The following MARCHF1 variants were observed in gnomAD, a reference collection of about 807,000 sequenced individuals.
MARCHF1 encodes the protein membrane associated ring-CH-type finger 1, also known as E3 ubiquitin-protein ligase MARCHF1.
Under a neutral mutation model 54.2 loss-of-function variants are expected in MARCHF1, and 40 were observed. The observed-to-expected ratio is 0.74, with a 90% confidence interval of 0.57 to 0.96. The LOEUF (loss-of-function observed/expected upper bound fraction) is 0.96. MARCHF1 is among the 40% of genes least tolerant of loss of function. The pLI is 0.00. For synonymous variants in MARCHF1, 236 were observed against 236.3 expected, an observed-to-expected ratio of 1.00 and a Z score of 0.01; for missense variants, 586 against 656.5, an observed-to-expected ratio of 0.89 and a Z score of 1.17.
chr4:163,590,062 G>GTA (rs1740538020), intron 7 of MARCHF1, among the ~76,000 whole-genome samples: 1 of 151,592 alleles, frequency 6.6e-6, no homozygotes, highest in Non-Finnish European at 1.5e-5. Flanking sequence ...ATTTTGGTGT[G>GTA]TGTGTGTGTG....
At chr4:164,238,126 T>C (rs1472237827) in intron 1 of MARCHF1, among the ~76,000 whole-genome samples, 5 of 152,066 alleles carry the variant, frequency 3.3e-5, no homozygotes, top group Non-Finnish European at 7.4e-5. Flanking sequence ...TTTTAAATTA[T>C]GTAAACACTG....
At chr4:163,882,844 G>A (rs1750447063) in intron 3 of MARCHF1, among the ~76,000 whole-genome samples, 1 of 152,006 alleles carries the variant, frequency 6.6e-6, no homozygotes, top group Non-Finnish European at 1.5e-5. Flanking sequence ...TGGTGCACTG[G>A]TGCATGTCTG....
intron 1 of MARCHF1, among the ~76,000 whole-genome samples, chr4:164,380,680 C>G (rs1008154898): frequency 6.6e-6 from 1 of 152,082 alleles, no homozygotes; most frequent in Non-Finnish European, 1.5e-5. Flanking sequence ...ATTATTTTAA[C>G]CCTCTAAATA....
intron 1 of MARCHF1, among the ~76,000 whole-genome samples, chr4:164,191,981 T>C (rs1731136124): frequency 6.6e-6 from 1 of 152,080 alleles, no homozygotes; most frequent in South Asian, 2.1e-4. Flanking sequence ...ACACGACCAA[T>C]GGTAAAATAT....
At chr4:163,614,042 A>G (rs1579114024) in intron 5 of MARCHF1, among the ~76,000 whole-genome samples, 4 of 152,012 alleles carry the variant, frequency 2.6e-5, no homozygotes, top group Non-Finnish European at 5.9e-5. Context: ...GCATTTCACT[A>G]AAGTCCTACC....
At chr4:163,739,332 A>G (rs892520670) in intron 4 of MARCHF1, among the ~76,000 whole-genome samples, 1 of 152,260 alleles carries the variant, frequency 6.6e-6, no homozygotes, top group Non-Finnish European at 1.5e-5. Flanking sequence ...ACAAAAGGAC[A>G]TAACAAACTA....
At chr4:163,628,586 C>G (rs180676714) in intron 5 of MARCHF1, among the ~76,000 whole-genome samples, 15 of 152,092 alleles carry the variant, frequency 9.9e-5, no homozygotes, top group African/African-American at 3.4e-4. Flanking sequence ...GGTATTCAAA[C>G]AGGAAGAGAG....
At chr4:163,815,699 T>G (rs1046159776) in intron 4 of MARCHF1, among the ~76,000 whole-genome samples, 4 of 152,186 alleles carry the variant, frequency 2.6e-5, no homozygotes, top group Non-Finnish European at 5.9e-5. Context: ...TTTAGGGATA[T>G]CTAAATCTTC....
chr4:163,896,748 G>A (rs1412399031), intron 3 of MARCHF1, among the ~76,000 whole-genome samples: 1 of 152,100 alleles, frequency 6.6e-6, no homozygotes, highest in Non-Finnish European at 1.5e-5. Flanking sequence ...GAACAAAATG[G>A]GAAATCGCCT....
chr4:164,008,245 T>C (rs1328134524), intron 2 of MARCHF1, among the ~76,000 whole-genome samples: 1 of 152,120 alleles, frequency 6.6e-6, no homozygotes, highest in South Asian at 2.1e-4. Context: ...ATAAGTTCAT[T>C]ACATAATCAT....
intron 1 of MARCHF1, among the ~76,000 whole-genome samples, chr4:164,244,992 G>A (rs1732896557): frequency 6.6e-6 from 1 of 152,158 alleles, no homozygotes; most frequent in Non-Finnish European, 1.5e-5. Context: ...AAAGAGTCCA[G>A]GACCAGATGG....
At chr4:164,383,081 C>T (rs778863269) in intron 1 of MARCHF1, 4 of 152,226 alleles carry the variant, frequency 2.6e-5, no homozygotes, top group Non-Finnish European at 4.4e-5. Flanking sequence ...CCATTTCCCT[C>T]ACACCATTTG....
intron 4 of MARCHF1, among the ~76,000 whole-genome samples, chr4:163,777,961 C>A (rs1332869680): frequency 6.6e-6 from 1 of 152,164 alleles, no homozygotes; most frequent in Non-Finnish European, 1.5e-5. Context: ...CCATTGGCAA[C>A]CACTGAACTG....
chr4:164,057,786 A>C (rs558061173), intron 2 of MARCHF1, among the ~76,000 whole-genome samples: 1 of 152,326 alleles, frequency 6.6e-6, no homozygotes, highest in East Asian at 1.9e-4. Flanking sequence ...TATCTTAATA[A>C]GGCACCATAA....
chr4:163,642,348 G>T (rs1231741607), intron 5 of MARCHF1, among the ~76,000 whole-genome samples: 1 of 151,914 alleles, frequency 6.6e-6, no homozygotes, highest in Non-Finnish European at 1.5e-5. Context: ...TTTTCTTTAA[G>T]TTCCCCCTGA....
intron 3 of MARCHF1, among the ~76,000 whole-genome samples, chr4:163,890,789 T>G (rs1200544137): frequency 6.6e-6 from 1 of 152,136 alleles, no homozygotes; most frequent in Non-Finnish European, 1.5e-5. Context: ...GATTATAGGT[T>G]TGACCCACCG....
chr4:164,125,308 A>G (rs1241505709), intron 1 of MARCHF1, among the ~76,000 whole-genome samples: 2 of 152,150 alleles, frequency 1.3e-5, no homozygotes, highest in African/African-American at 4.8e-5. Flanking sequence ...AACATTATGA[A>G]TAGGACTCAA....
chr4:164,293,227 A>C (rs2111372681), intron 1 of MARCHF1, among the ~76,000 whole-genome samples: 1 of 152,268 alleles, frequency 6.6e-6, no homozygotes, highest in Non-Finnish European at 1.5e-5. Context: ...GCATGTGGAA[A>C]AAAAAAAATC....
rs1175006529 is a variant in MARCHF1 at position 163,527,168 on chromosome 4, T to TATC, written c.*1577_*1579dup. On this transcript the variant is annotated 3_prime_UTR_variant, in exon 10 of 10. Coordinates refer to ENST00000514618, the MANE Select transcript of MARCHF1 (RefSeq NM_001394959.1). ...GACATCTTTCTTTGACAGGCTACTGTATCTATAATCACCGTTAATCTAGCT... is the reference window on the plus strand; with the variant it reads ...GACATCTTTCTTTGACAGGCTACTGTATCATCTATAATCACCGTTAATCTAGCT... 1.3e-5 allele frequency: 2 copies of TATC among 152,068 alleles called. No individual in the cohort carries two copies. The highest frequency in any genetic ancestry group is 4.8e-5 in the African/African-American group (2 of 41,448). The allele number at this position is 152,068 out of a possible 1,614,324, so 9.4% of individuals were successfully genotyped here.
Sources: gnomAD v4.1 joint callset for allele counts (sites outside exome capture counted in the v4.1 genomes callset) on GRCh38, gnomAD v4.1.1 for gene constraint, MANE v1.5 for transcripts, NCBI Gene and HGNC (gene_info 2026-07-23, HGNC 2026-07-21) for gene names.